TRIM37: variants seen among roughly 807,000 people sequenced by gnomAD.
TRIM37 encodes the protein tripartite motif containing 37.
In TRIM37, 80 loss-of-function variants were observed where a neutral mutation model predicts 129.8. The observed-to-expected ratio is 0.62, with a 90% CI of 0.51 to 0.74. TRIM37 has a LOEUF of 0.74. Among genes scored for constraint, TRIM37 ranks in the 30% least tolerant of loss-of-function variants. The probability of loss-of-function intolerance (pLI) is 0.00; values close to 1 mark genes in which losing one functional copy is unlikely to be tolerated. For synonymous variants in TRIM37, 389 were observed against 387.1 expected (o/e 1.00, Z -0.06); for missense variants, 1,054 against 1,176.5 (o/e 0.90, Z 1.52).
intron 2 of TRIM37, among the ~76,000 whole-genome samples, chr17:59,093,957 C>CA (rs2044631296): frequency 6.6e-6 from 1 of 152,134 alleles, no homozygotes; most frequent in Admixed American, 6.6e-5. Context: ...TGCAGTGGTG[C>CA]AATCTCAACT....
chr17:59,102,290 T>C (rs1280872948), intron 2 of TRIM37, among the ~76,000 whole-genome samples: 4 of 151,940 alleles, frequency 2.6e-5, no homozygotes, highest in Non-Finnish European at 2.9e-5. Flanking sequence ...AGGAAGAAGA[T>C]GTAACAATGA....
At position 59,001,527 on chromosome 17, in the gene TRIM37, CAGA is replaced by C. The variant is rs780778797; in HGVS notation, c.2812+68_2812+70del. 152 of 1,591,896 alleles carry C rather than the reference CAGA, an allele frequency of 9.5e-5. 1 individual carries two copies. The highest frequency in any genetic ancestry group is 7.4e-4 in the Middle Eastern group (4 of 5,408). ...GCGGAAAAAGTAGAAGTAGCAGCAG[CAGA>C]AGAAGAAGAAAGAGAAGCGGCAGCG... is the stretch of plus-strand genomic sequence containing the variant. On this transcript the variant is annotated intron_variant, in intron 23 of 23. Coordinates refer to ENST00000262294, the MANE Select transcript of TRIM37 (RefSeq NM_015294.6).
chr17:59,045,358 G>A (rs541866039), intron 16 of TRIM37, among the ~76,000 whole-genome samples: 39 of 151,024 alleles, frequency 2.6e-4, no homozygotes, highest in African/African-American at 8.3e-4. Context: ...AAAAAATTAC[G>A]GCTGGGCGAA....
At chr17:59,081,962 A>T (rs2043325325) in intron 5 of TRIM37, among the ~76,000 whole-genome samples, 3 of 127,838 alleles carry the variant, frequency 2.3e-5, no homozygotes, top group East Asian at 2.2e-4. Flanking sequence ...ATAAAAAAAA[A>T]AAAATAATAA....
downstream of TRIM37, among the ~76,000 whole-genome samples, chr17:58,996,544 T>C (rs1426415533): frequency 1.3e-5 from 2 of 151,526 alleles, no homozygotes; most frequent in African/African-American, 4.9e-5. Flanking sequence ...CCTACCACTT[T>C]GGGAGGCTGA....
At chr17:59,000,564 G>A (rs990569137) in intron 23 of TRIM37, among the ~76,000 whole-genome samples, 2 of 151,994 alleles carry the variant, frequency 1.3e-5, no homozygotes, top group African/African-American at 4.8e-5. Context: ...TTGTGCCACT[G>A]CACTTCAGCT....
chr17:59,092,429 T>C (rs139648947), intron 2 of TRIM37, among the ~76,000 whole-genome samples: 1 of 151,422 alleles, frequency 6.6e-6, no homozygotes, highest in Non-Finnish European at 1.5e-5. Context: ...AACGGTTTCA[T>C]AGTTCAGTAA....
chr17:59,100,834 C>T (rs1268413585), intron 2 of TRIM37, among the ~76,000 whole-genome samples: 3 of 151,956 alleles, frequency 2.0e-5, no homozygotes, highest in Non-Finnish European at 4.4e-5. Context: ...ACCAACCTGA[C>T]CAACATGGTG....
chr17:59,048,977 G>C (rs1477885038), intron 15 of TRIM37, among the ~76,000 whole-genome samples: 1 of 152,078 alleles, frequency 6.6e-6, no homozygotes, highest in Non-Finnish European at 1.5e-5. Flanking sequence ...ACAATGTATT[G>C]TTTTTTTCAC....
rs1007698386 is a variant in TRIM37, at chr17:59,031,539, G to A, written c.1948+357C>T. On this transcript the variant is annotated intron_variant, in intron 18 of 23. Coordinates refer to ENST00000262294, the MANE Select transcript of TRIM37 (RefSeq NM_015294.6). Reference sequence around the variant, plus strand: ...GAATGAGTAAGTCACCTTTTTCTACGTTCAATTTAGATATAGTTCCACTTG... The same window carrying A: ...GAATGAGTAAGTCACCTTTTTCTACATTCAATTTAGATATAGTTCCACTTG... Among the ~76,000 whole-genome samples the A allele has an allele frequency of 7.2e-5, 11 of 152,156 alleles. No homozygotes were observed. The East Asian group carries it at 1.3e-3, about 19-fold the overall frequency.
intron 19 of TRIM37, among the ~76,000 whole-genome samples, chr17:59,025,792 C>T (rs2145437568): frequency 6.6e-6 from 1 of 152,194 alleles, no homozygotes; most frequent in Admixed American, 6.5e-5. Context: ...GTAACAAAGG[C>T]TTTTTGAGAA....
intron 7 of TRIM37, among the ~76,000 whole-genome samples, chr17:59,077,577 C>T (rs2042914609): frequency 6.7e-6 from 1 of 150,072 alleles, no homozygotes. Context: ...TTTGGGAGGC[C>T]AAGGCAGACA....
chr17:59,088,219 AC>A, intron 4 of TRIM37, 71 bp downstream of exon 4: 1 of 933,812 alleles, frequency 1.1e-6, no homozygotes, highest in South Asian at 1.3e-5. Flanking sequence ...AAAGGCAACT[AC>A]CAATATAGTG....
chr17:59,012,815 G>T (rs2035462217), intron 21 of TRIM37, among the ~76,000 whole-genome samples: 1 of 151,726 alleles, frequency 6.6e-6, no homozygotes, highest in Non-Finnish European at 1.5e-5. Flanking sequence ...CGTGGAGGTT[G>T]CAGTGAGCCG....
At chr17:58,972,349 CACTT>C in the TRIM37 span, 28 of 1,453,548 alleles carry the variant, frequency 1.9e-5, no homozygotes, top group South Asian at 2.5e-4. Context: ...GATTAGGATT[CACTT>C]ACTTTTTTTT....
rs1350084573 is a variant in TRIM37 at position 59,088,342 on chromosome 17, T to G, written c.230A>C (p.Asp77Ala). The change falls in exon 4 of 24, where the codon GAT becomes GCT. Residue 77 changes from aspartate to alanine, a missense_variant. Asp to Ala is a moderately radical substitution (Grantham distance 126, BLOSUM62 -2). This residue lies in a region of TRIM37 where 752 missense variants were observed against 870.8 expected (regional missense o/e 0.86). Coordinates refer to ENST00000262294, the MANE Select transcript of TRIM37 (RefSeq NM_015294.6). ...RWAEEVTQQLDTLQLCSLTKH... is the reference protein window; with the variant it reads ...RWAEEVTQQLATLQLCSLTKH... ...GGTGAGACTGCAGAGTTGAAGAGTA[T>G]CAAGCTGTTGTGTTACTTCTTCTGC... The G allele has an allele frequency of 6.2e-7, 1 of 1,613,834 alleles. No homozygotes were observed. The highest frequency in any genetic ancestry group is 8.5e-7 in the Non-Finnish European group (1 of 1,179,838).
downstream of TRIM37, chr17:58,982,246 G>A (rs545483077): frequency 2.0e-5 from 3 of 152,638 alleles, no homozygotes; most frequent in African/African-American, 7.2e-5. Flanking sequence ...AGTTATATTT[G>A]ATATTTTGAA....
chr17:58,982,855 C>CT, exon 25 of TRIM37: 2 of 1,514,944 alleles, frequency 1.3e-6, no homozygotes, highest in Admixed American at 1.9e-5. Flanking sequence ...TCACTCATAT[C>CT]TGTCACCTTC....
At chr17:59,051,080 A>G (rs2040295648) in intron 14 of TRIM37, 134 bp downstream of exon 14, 1 of 660,566 alleles carries the variant, frequency 1.5e-6, no homozygotes, top group African/African-American at 1.8e-5. Context: ...ATGGGGAACA[A>G]GATAACTAGA....
Sources: gnomAD v4.1 joint callset for allele counts (sites outside exome capture counted in the v4.1 genomes callset) on GRCh38, gnomAD v4.1.1 for gene constraint, gnomAD v4.1.1 regional missense constraint, MANE v1.5 for transcripts, NCBI Gene and HGNC (gene_info 2026-07-23, HGNC 2026-07-21) for gene names.